GTPBP6: variants seen among roughly 807,000 people sequenced by gnomAD.
GTPBP6 encodes the protein putative GTP-binding protein 6.
A neutral mutation model predicts 28.9 loss-of-function variants in GTPBP6; 33 were observed. The ratio of observed to expected loss-of-function variants is 1.14; its 90% CI spans 0.87 to 1.53. The LOEUF is 1.53. Ranked by LOEUF, GTPBP6 falls within the 40% of genes most tolerant of loss-of-function variation. The pLI is 0.00. For synonymous variants in GTPBP6, 231 were observed against 192.7 expected, an observed-to-expected ratio of 1.20 and a Z score of -1.65; for missense variants, 507 against 408.3, an observed-to-expected ratio of 1.24 and a Z score of -2.08.
chrX:313,425 G>GC (rs1043231140), intron 5 of GTPBP6, among the ~76,000 whole-genome samples: 10 of 152,264 alleles, frequency 6.6e-5, no homozygotes, highest in Admixed American at 2.6e-4. Context: ...GACGCCTGGA[G>GC]CCCCCAGGAG....
intron 8 of GTPBP6, 100 bp downstream of exon 8, chrX:307,632 G>T: frequency 7.0e-7 from 1 of 1,418,648 alleles, no homozygotes; most frequent in African/African-American, 1.4e-5. Flanking sequence ...TGTCCTGACT[G>T]CCACCGCTGC....
chrX:307,460 C>G (rs377354228), exon 9 of GTPBP6: 3 of 1,609,868 alleles, frequency 1.9e-6, no homozygotes, highest in Middle Eastern at 1.9e-4. Flanking sequence ...TCCTGGAGCC[C>G]GTGGCCCCGC....
At chrX:312,966 G>C in intron 5 of GTPBP6, 42 bp from the exon 6 acceptor site, 2 of 1,578,542 alleles carry the variant, frequency 1.3e-6, no homozygotes, top group East Asian at 4.5e-5. Flanking sequence ...GCCACGCCGG[G>C]AAAGGCACAA....
intron 7 of GTPBP6, among the ~76,000 whole-genome samples, chrX:308,437 G>A (rs762626645): frequency 1.1e-4 from 16 of 152,198 alleles, no homozygotes; most frequent in South Asian, 1.0e-3. Flanking sequence ...TATTTTTCCT[G>A]TAACTGAGGC....
exon 7 of GTPBP6, chrX:311,470 C>T (rs368426524): frequency 1.9e-5 from 30 of 1,611,938 alleles, no homozygotes; most frequent in African/African-American, 2.7e-5. Flanking sequence ...TGAGGCCGTG[C>T]GGCAGCTGGG....
At chrX:306,271 C>T (rs1435623746) in intron 9 of GTPBP6, among the ~76,000 whole-genome samples, 10 of 146,824 alleles carry the variant, frequency 6.8e-5, no homozygotes, top group Non-Finnish European at 1.5e-4. Context: ...TTTTGACTGT[C>T]AGCACAGATT....
chrX:309,083 C>A (rs1427375615), intron 7 of GTPBP6, among the ~76,000 whole-genome samples: 1 of 152,114 alleles, frequency 6.6e-6, no homozygotes, highest in African/African-American at 2.4e-5. Context: ...GGGGTTCAGT[C>A]CCATCTCCTC....
At chrX:304,840 TTG>T in exon 10 of GTPBP6, 1 of 1,404,058 alleles carries the variant, frequency 7.1e-7, no homozygotes, top group Non-Finnish European at 9.3e-7. Flanking sequence ...CCCACTGGAA[TTG>T]TGTGGATGCT....
chrX:307,465 C>A (rs772640273), exon 9 of GTPBP6: 2 of 1,611,672 alleles, frequency 1.2e-6, no homozygotes, highest in South Asian at 2.2e-5. Context: ...GAGCCCGTGG[C>A]CCCGCAGGGC....
chrX:307,831 T>C, exon 8 of GTPBP6: 1 of 1,548,110 alleles, frequency 6.5e-7, no homozygotes, highest in Non-Finnish European at 8.7e-7. Context: ...GCTGCATTTC[T>C]GGAGCTCCGC....
intron 7 of GTPBP6, among the ~76,000 whole-genome samples, chrX:308,732 C>CTT (rs1164566238): frequency 3.6e-4 from 39 of 109,476 alleles, no homozygotes; most frequent in African/African-American, 6.2e-4. Context: ...GAAAGTTTTA[C>CTT]TTTTTTTTTT....
At chrX:317,952 C>T (rs2124481554) in intron 1 of GTPBP6, among the ~76,000 whole-genome samples, 1 of 150,070 alleles carries the variant, frequency 6.7e-6, no homozygotes, top group East Asian at 2.0e-4. Flanking sequence ...GAGCCCCGCC[C>T]CCGCATCACC....
At chrX:305,011 C>T (rs780050548) in exon 10 of GTPBP6, 23 of 1,589,986 alleles carry the variant, frequency 1.4e-5, no homozygotes, top group African/African-American at 6.7e-5. Flanking sequence ...CCCAACACAG[C>T]GGTAACGCCT....
exon 10 of GTPBP6, chrX:304,869 G>T: frequency 7.0e-7 from 1 of 1,433,026 alleles, no homozygotes; most frequent in Non-Finnish European, 9.2e-7. Context: ...TGGAGTGGAC[G>T]CTCGGGCGGC....
intron 5 of GTPBP6, 146 bp from the exon 6 acceptor site, chrX:313,070 G>A (rs912638179): frequency 1.1e-4 from 74 of 654,980 alleles, no homozygotes; most frequent in East Asian, 1.1e-4. Flanking sequence ...CAGCGGCCCC[G>A]ACACGTCCTG....
chrX:312,684 G>A, intron 6 of GTPBP6, 82 bp downstream of exon 6: 7 of 1,410,528 alleles, frequency 5.0e-6, no homozygotes, highest in Non-Finnish European at 6.9e-6. Context: ...TGAGACGACA[G>A]GGACCCCCTG....
At chrX:312,458 G>C (rs1439732306) in intron 6 of GTPBP6, 1 of 588,734 alleles carries the variant, frequency 1.7e-6, no homozygotes, top group Admixed American at 2.2e-5. Context: ...GGATGGTGTA[G>C]ATGGAGGGGA....
At chrX:306,678 C>T (rs1319144123) in intron 9 of GTPBP6, among the ~76,000 whole-genome samples, 1 of 142,028 alleles carries the variant, frequency 7.0e-6, no homozygotes, top group African/African-American at 2.7e-5. Context: ...CAGAAATGTA[C>T]ATTTTGACTG....
At chrX:317,089 GC>G (rs1344620412) in intron 1 of GTPBP6, 38 bp from the exon 2 acceptor site, 4,178 of 339,062 alleles carry the variant, frequency 0.012, 39 homozygotes, top group Middle Eastern at 0.039. Context: ...AGACGCTTCT[GC>G]CCGGGGCCCC....
Sources: gnomAD v4.1 joint callset for allele counts (sites outside exome capture counted in the v4.1 genomes callset) on GRCh38, gnomAD v4.1.1 for gene constraint, MANE v1.5 for transcripts, NCBI Gene and HGNC (gene_info 2026-07-23, HGNC 2026-07-21) for gene names.